Variants in ARPC1A observed in about 807,000 individuals in gnomAD.
The protein encoded by ARPC1A is actin related protein 2/3 complex subunit 1A, also known as actin-related protein 2/3 complex subunit 1A.
Under a neutral mutation model 46.9 loss-of-function variants are expected in ARPC1A, and 8 were observed. That is an observed-to-expected ratio of 0.17 (90% CI 0.10 to 0.31). The LOEUF is 0.31. Ranked by LOEUF, ARPC1A falls within the 10% of genes least tolerant of loss-of-function variation. The probability of loss-of-function intolerance (pLI) is 1.00; values close to 1 mark genes in which losing one functional copy is unlikely to be tolerated. For synonymous variants in ARPC1A, 152 were observed against 169.0 expected (o/e 0.90, Z 0.78); for missense variants, 286 against 483.6 (o/e 0.59, Z 3.83).
Position 99,358,431 on chromosome 7 carries a change from C to T in ARPC1A, c.789+16C>T, listed in dbSNP as rs1406143777. 6.2e-7 allele frequency: 1 copy of T among 1,609,840 alleles called. No individual in the cohort carries two copies. Among genetic ancestry groups the T allele is most frequent in the East Asian group, 2.2e-5 (1 of 44,814 alleles). ...CGTGGCTGCTGTGAGTATTTTTCTT[C>T]ATTCTCCCTCGGGGTGCACTGTATG... On this transcript the variant is annotated intron_variant, in intron 7 of 9. Coordinates refer to ENST00000262942, the MANE Select transcript of ARPC1A (RefSeq NM_006409.4).
intron 8 of ARPC1A, among the ~76,000 whole-genome samples, chr7:99,361,873 C>A (rs1012077190): frequency 1.3e-5 from 2 of 152,184 alleles, no homozygotes; most frequent in Non-Finnish European, 1.5e-5. Context: ...AAAGCAGGCA[C>A]AGATGATGTA....
In ARPC1A at chr7:99,338,230, C is replaced by T. The variant is rs772008690; in HGVS notation, c.114C>T (p.Asn38=). 1.2e-5 allele frequency: 19 copies of T among 1,613,228 alleles called. No individual in the cohort carries two copies. The East Asian group carries it at 1.6e-4, about 13-fold the overall frequency. The change falls in exon 3 of 10, where the codon AAC becomes AAT. Residue 38 remains asparagine, a synonymous_variant. Coordinates refer to ENST00000262942, the MANE Select transcript of ARPC1A (RefSeq NM_006409.4). ...NNHEVHIYKK[N]GSQWVKAHEL... is the part of the protein sequence containing the mutation. ...ACGAAGTGCACATCTATAAGAAGAA[C>T]GGGAGCCAGTGGGTGAAAGCTCATG... is the stretch of plus-strand genomic sequence containing the variant.
At chr7:99,353,768 C>G in intron 5 of ARPC1A, 141 bp from the exon 6 acceptor site, 2 of 816,702 alleles carry the variant, frequency 2.4e-6, no homozygotes, top group Non-Finnish European at 3.7e-6. Flanking sequence ...CTTGAGCCAC[C>G]GTGCCCAGCT....
At chr7:99,330,427 G>C (rs1290735791) in intron 1 of ARPC1A, among the ~76,000 whole-genome samples, 3 of 152,024 alleles carry the variant, frequency 2.0e-5, no homozygotes, top group Admixed American at 1.3e-4. Flanking sequence ...AGATTCTTGT[G>C]CCTCAGCCTC....
chr7:99,365,994 G>GATGGC lies in ARPC1A; in HGVS notation c.*66_*70dup. On this transcript the variant is annotated 3_prime_UTR_variant, in exon 10 of 10. Coordinates refer to ENST00000262942, the MANE Select transcript of ARPC1A (RefSeq NM_006409.4). ...GCCGACCGCAGCTGTGCCGTGGCAC[G>GATGGC]ATGGCGAGGAAGCCAGCCCCAAGGA... is the stretch of plus-strand genomic sequence containing the variant. The GATGGC allele has an allele frequency of 6.6e-7, 1 of 1,517,990 alleles. No individual in the cohort carries two copies. Among genetic ancestry groups the GATGGC allele is most frequent in the Non-Finnish European group, 8.9e-7 (1 of 1,118,114 alleles). 94.0% of individuals were successfully genotyped at this position (1,517,990 alleles called of 1,614,324 possible).
At chr7:99,337,903 G>A (rs1462557876) in intron 2 of ARPC1A, among the ~76,000 whole-genome samples, 1 of 151,964 alleles carries the variant, frequency 6.6e-6, no homozygotes, top group Non-Finnish European at 1.5e-5. Flanking sequence ...CACTAACATT[G>A]TTTATTTTTC....
intron 3 of ARPC1A, among the ~76,000 whole-genome samples, chr7:99,342,083 T>A (rs1230305834): frequency 6.6e-6 from 1 of 152,118 alleles, no homozygotes; most frequent in Admixed American, 6.6e-5. Flanking sequence ...TTTAAAAAAG[T>A]GGAATAGTAT....
intron 6 of ARPC1A, among the ~76,000 whole-genome samples, chr7:99,354,958 C>A (rs894133686): frequency 7.9e-5 from 12 of 151,868 alleles, no homozygotes; most frequent in African/African-American, 2.4e-4. Flanking sequence ...ACTAAAAATA[C>A]AGAAAATTAG....
chr7:99,351,915 A>G (rs775240986), intron 5 of ARPC1A, among the ~76,000 whole-genome samples: 2 of 152,120 alleles, frequency 1.3e-5, no homozygotes, highest in African/African-American at 2.4e-5. Flanking sequence ...GCTGTGTGGA[A>G]TTAGATAAAA....
intron 1 of ARPC1A, among the ~76,000 whole-genome samples, chr7:99,329,625 C>G (rs1383727501): frequency 6.6e-6 from 1 of 152,150 alleles, no homozygotes; most frequent in African/African-American, 2.4e-5. Context: ...AAAAGAAGTA[C>G]AGGTCTTAAG....
intron 3 of ARPC1A, chr7:99,339,865 A>G (rs1023958013): frequency 4.9e-5 from 20 of 411,808 alleles, no homozygotes; most frequent in African/African-American, 2.0e-4. Context: ...CAGGGTATGC[A>G]TATCTGCAGT....
At chr7:99,351,089 C>G (rs1793537140) in intron 5 of ARPC1A, among the ~76,000 whole-genome samples, 2 of 151,952 alleles carry the variant, frequency 1.3e-5, no homozygotes, top group African/African-American at 4.8e-5. Context: ...ATGGGAGTGT[C>G]AAGGCACTTT....
At chr7:99,356,802 A>G (rs1018634701) in intron 6 of ARPC1A, among the ~76,000 whole-genome samples, 2 of 152,136 alleles carry the variant, frequency 1.3e-5, no homozygotes, top group Admixed American at 6.6e-5. Flanking sequence ...CGGGAGGCTG[A>G]GGCAGGAGAA....
Position 99,333,417 on chromosome 7 carries a change from CGTAA to C in ARPC1A, c.64+4_64+7del. The C allele has an allele frequency of 6.2e-7, 1 of 1,611,654 alleles. No individual in the cohort carries two copies. Among genetic ancestry groups the C allele is most frequent in the Non-Finnish European group, 8.5e-7 (1 of 1,178,884 alleles). On this transcript the variant is annotated splice_donor_variant and splice_donor_region_variant and intron_variant, in intron 2 of 9. Coordinates refer to ENST00000262942, the MANE Select transcript of ARPC1A (RefSeq NM_006409.4). LOFTEE classifies it high-confidence loss of function. ...TCATGCCTGGAACAGGGATCGTACT[CGTAA>C]GTATTTTATTAACTTTGCTTTTGTA...
intron 3 of ARPC1A, among the ~76,000 whole-genome samples, chr7:99,341,573 C>T (rs915279469): frequency 4.9e-5 from 7 of 144,252 alleles, no homozygotes; most frequent in African/African-American, 1.8e-4. Context: ...TGTGCCATTG[C>T]ACGCCAGCCT....
chr7:99,344,886 A>G (rs1340016450), intron 4 of ARPC1A, among the ~76,000 whole-genome samples: 2 of 107,456 alleles, frequency 1.9e-5, no homozygotes, highest in Non-Finnish European at 3.8e-5. Context: ...TTTTCACAGG[A>G]TATCTATGTA....
chr7:99,327,001 TTCTG>T (rs925184832), intron 1 of ARPC1A, among the ~76,000 whole-genome samples: 2 of 152,214 alleles, frequency 1.3e-5, no homozygotes. Flanking sequence ...CTTTGGAACC[TTCTG>T]TCTATGTCAA....
At chr7:99,332,617 T>C (rs1460569298) in intron 1 of ARPC1A, among the ~76,000 whole-genome samples, 1 of 152,044 alleles carries the variant, frequency 6.6e-6, no homozygotes. Context: ...TTTTTTTTTT[T>C]TTTTGAGACA....
At chr7:99,365,058 A>G (rs1241296849) in intron 9 of ARPC1A, among the ~76,000 whole-genome samples, 1 of 152,156 alleles carries the variant, frequency 6.6e-6, no homozygotes, top group Non-Finnish European at 1.5e-5. Context: ...CTGCAAGTGC[A>G]GCACACCCAG....
Sources: gnomAD v4.1 joint callset for allele counts (sites outside exome capture counted in the v4.1 genomes callset) on GRCh38, gnomAD v4.1.1 for gene constraint, MANE v1.5 for transcripts, NCBI Gene and HGNC (gene_info 2026-07-23, HGNC 2026-07-21) for gene names.